Variants in AK5 observed in about 807,000 individuals in gnomAD.
AK5 encodes the protein adenylate kinase isoenzyme 5.
Under a neutral mutation model 69.5 loss-of-function variants are expected in AK5, and 27 were observed. That is an observed-to-expected ratio of 0.39 (90% CI 0.29 to 0.54). AK5 has a LOEUF of 0.54. AK5 is among the 20% of genes least tolerant of loss of function. The probability of loss-of-function intolerance (pLI) is 0.71; values close to 1 mark genes in which losing one functional copy is unlikely to be tolerated. For missense variants in AK5, 531 were observed against 700.4 expected (o/e 0.76, Z 2.73); for synonymous variants, 260 against 244.4 (o/e 1.06, Z -0.60).
chr1:77,500,422 T>C (rs963775441), intron 10 of AK5, among the ~76,000 whole-genome samples: 2 of 131,976 alleles, frequency 1.5e-5, no homozygotes, highest in African/African-American at 5.2e-5. Flanking sequence ...AGGTCCCAAA[T>C]GTCACCATCC....
At chr1:77,535,805 G>C (rs755266223) in intron 12 of AK5, 42 bp from the exon 13 acceptor site, 1 of 1,566,298 alleles carries the variant, frequency 6.4e-7, no homozygotes. Flanking sequence ...ACATCAGCAG[G>C]GTGAGGTTTC....
At chr1:77,357,270 C>T (rs1246244144) in intron 6 of AK5, among the ~76,000 whole-genome samples, 1 of 151,160 alleles carries the variant, frequency 6.6e-6, no homozygotes, top group Non-Finnish European at 1.5e-5. Flanking sequence ...ACTTTGAAGT[C>T]ACAAAGACAA....
chr1:77,307,530 T>A (rs1023888430), intron 5 of AK5, among the ~76,000 whole-genome samples: 5 of 152,224 alleles, frequency 3.3e-5, no homozygotes, highest in African/African-American at 1.2e-4. Context: ...TAAAATATTG[T>A]CTGTCCTTGA....
intron 5 of AK5, among the ~76,000 whole-genome samples, chr1:77,301,461 A>G (rs924610182): frequency 6.6e-6 from 1 of 152,204 alleles, no homozygotes; most frequent in African/African-American, 2.4e-5. Flanking sequence ...CCTGGCAGCA[A>G]TGCTATTACT....
chr1:77,286,889 CAA>C (rs745690169), intron 1 of AK5, 50 bp from the exon 2 acceptor site: 126 of 1,164,730 alleles, frequency 1.1e-4, no homozygotes, highest in Non-Finnish European at 1.3e-4. Context: ...AAAGAAAAAA[CAA>C]AGGTGGGTTT....
chr1:77,454,896 T>A (rs1217240808), intron 8 of AK5, among the ~76,000 whole-genome samples: 1 of 152,224 alleles, frequency 6.6e-6, no homozygotes, highest in East Asian at 1.9e-4. Context: ...AAGTGTCATC[T>A]TCTCTCTGGA....
chr1:77,434,760 T>A (rs1651857327), intron 8 of AK5, among the ~76,000 whole-genome samples: 1 of 152,222 alleles, frequency 6.6e-6, no homozygotes, highest in Non-Finnish European at 1.5e-5. Flanking sequence ...TGCTTCTTAC[T>A]GGAAGCCCGT....
chr1:77,300,926 G>A (rs1050504013), intron 5 of AK5, among the ~76,000 whole-genome samples: 2 of 152,078 alleles, frequency 1.3e-5, no homozygotes, highest in African/African-American at 4.8e-5. Context: ...TCAAGGTTTT[G>A]CGTTAACTTA....
intron 6 of AK5, among the ~76,000 whole-genome samples, chr1:77,367,569 A>ATATATATTATATATGT: frequency 3.2e-5 from 1 of 31,628 alleles, no homozygotes; most frequent in Middle Eastern, 0.014. Flanking sequence ...ATATATATAT[A>ATATATATTATATATGT]TATATATATA....
chr1:77,477,271 T>C (rs1207684425), intron 8 of AK5, among the ~76,000 whole-genome samples: 1 of 152,148 alleles, frequency 6.6e-6, no homozygotes, highest in African/African-American at 2.4e-5. Flanking sequence ...CAAATGATCC[T>C]CCCTCCTTGG....
chr1:77,366,848 A>G (rs1251861411), intron 6 of AK5, among the ~76,000 whole-genome samples: 1 of 151,974 alleles, frequency 6.6e-6, no homozygotes, highest in Non-Finnish European at 1.5e-5. Context: ...TTACTCAGTG[A>G]CTTAAAATTC....
At chr1:77,423,923 A>G (rs550905609) in intron 8 of AK5, among the ~76,000 whole-genome samples, 1 of 152,306 alleles carries the variant, frequency 6.6e-6, no homozygotes, top group South Asian at 2.1e-4. Flanking sequence ...TAACATTCCT[A>G]GAGCAAGAGA....
chr1:77,382,226 A>G (rs1184051673), intron 6 of AK5, among the ~76,000 whole-genome samples: 1 of 69,880 alleles, frequency 1.4e-5, no homozygotes, highest in Non-Finnish European at 2.9e-5. Flanking sequence ...ATAATCTTTT[A>G]ATTTTTTTTT....
intron 3 of AK5, among the ~76,000 whole-genome samples, chr1:77,295,930 T>C (rs1658977688): frequency 6.6e-6 from 1 of 152,168 alleles, no homozygotes; most frequent in South Asian, 2.1e-4. Context: ...TGAAATCAAC[T>C]TGTTTCCCAA....
intron 8 of AK5, among the ~76,000 whole-genome samples, chr1:77,449,214 G>T (rs1377291088): frequency 6.6e-6 from 1 of 152,206 alleles, no homozygotes; most frequent in African/African-American, 2.4e-5. Context: ...GCCCATGAAA[G>T]CAGCCAGAAG....
chr1:77,367,579 A>ATGATAT (rs71075732), intron 6 of AK5, among the ~76,000 whole-genome samples: 6 of 53,364 alleles, frequency 1.1e-4, no homozygotes, highest in African/African-American at 6.4e-4. Flanking sequence ...ATATATATAT[A>ATGATAT]ATATATATGT....
intron 5 of AK5, among the ~76,000 whole-genome samples, chr1:77,318,164 G>C (rs565888853): frequency 3.0e-4 from 45 of 152,246 alleles, no homozygotes; most frequent in African/African-American, 1.0e-3. Context: ...AGTTCCACAG[G>C]CTGTACAGGA....
chr1:77,494,150 T>A (rs140462518), intron 10 of AK5, among the ~76,000 whole-genome samples: 16 of 152,332 alleles, frequency 1.1e-4, no homozygotes, highest in African/African-American at 3.8e-4. Context: ...AATGGAGGCC[T>A]CATACTCATT....
At chr1:77,430,345 T>C (rs1651555210) in intron 8 of AK5, among the ~76,000 whole-genome samples, 1 of 152,146 alleles carries the variant, frequency 6.6e-6, no homozygotes, top group Non-Finnish European at 1.5e-5. Context: ...ACTTCTGGGT[T>C]TTCAACTGGT....
Sources: gnomAD v4.1 joint callset for allele counts (sites outside exome capture counted in the v4.1 genomes callset) on GRCh38, gnomAD v4.1.1 for gene constraint, MANE v1.5 for transcripts, NCBI Gene and HGNC (gene_info 2026-07-23, HGNC 2026-07-21) for gene names.